The following TUBGCP5 variants were observed in gnomAD, a reference collection of about 807,000 sequenced individuals.
TUBGCP5 encodes gamma-tubulin complex component 5.
A neutral mutation model predicts 134.7 loss-of-function variants in TUBGCP5; 98 were observed. The observed-to-expected ratio is 0.73, with a 90% CI of 0.62 to 0.86. The LOEUF (loss-of-function observed/expected upper bound fraction) is 0.86, where lower values mean the gene tolerates loss of function less well. TUBGCP5 is among the 40% of genes least tolerant of loss of function. The pLI is 0.00. For synonymous variants in TUBGCP5, 456 were observed against 431.4 expected, an observed-to-expected ratio of 1.06 and a Z score of -0.71; for missense variants, 1,150 against 1,244.8, an observed-to-expected ratio of 0.92 and a Z score of 1.15.
intron 20 of TUBGCP5, 145 bp downstream of exon 20, chr15:23,003,957 G>A: frequency 1.9e-6 from 2 of 1,073,880 alleles, no homozygotes; most frequent in South Asian, 3.8e-5. Flanking sequence ...CCGGCCTGGG[G>A]CATTTGTTTG....
rs1394251408 is a variant in TUBGCP5 at position 23,039,560 on chromosome 15, G to C, written c.-17C>G. On this transcript the variant is annotated 5_prime_UTR_variant, in exon 1 of 23. Transcript: ENST00000615383. ...CCGCGCCATGTTCCGCGCTCCTGCAGCGCGCGTCTAACGAATTGGTGCCTG... is the reference window on the plus strand; with the variant it reads ...CCGCGCCATGTTCCGCGCTCCTGCACCGCGCGTCTAACGAATTGGTGCCTG... 12 of 1,392,160 alleles carry C rather than the reference G, an allele frequency of 8.6e-6. No homozygotes were observed. Among genetic ancestry groups the C allele is most frequent in the Admixed American group, 2.7e-5 (1 of 36,674 alleles). The allele number at this position is 1,392,160 out of a possible 1,614,324, so 86.2% of individuals were successfully genotyped here.
At chr15:23,027,998 T>C (rs2066079636) in intron 6 of TUBGCP5, among the ~76,000 whole-genome samples, 1 of 152,152 alleles carries the variant, frequency 6.6e-6, no homozygotes. Flanking sequence ...TTATACAAGT[T>C]GTTTGAAAAA....
At chr15:23,003,832 T>C (rs2064543554) in intron 20 of TUBGCP5, among the ~76,000 whole-genome samples, 1 of 151,934 alleles carries the variant, frequency 6.6e-6, no homozygotes, top group Non-Finnish European at 1.5e-5. Context: ...TTTTAACTTT[T>C]TGTAAAGACA....
intron 21 of TUBGCP5, 40 bp from the exon 22 acceptor site, chr15:23,000,709 C>A: frequency 6.7e-7 from 1 of 1,493,824 alleles, no homozygotes; most frequent in Non-Finnish European, 9.2e-7. Context: ...AAGTGCATTG[C>A]GGGTATATAG....
chr15:23,009,904 A>G (rs532835700), intron 15 of TUBGCP5, 41 bp downstream of exon 15: 2 of 1,567,398 alleles, frequency 1.3e-6, no homozygotes. Context: ...TTCAAGTACA[A>G]TCAACTATTT....
chr15:23,037,958 G>T (rs532249721), intron 1 of TUBGCP5, among the ~76,000 whole-genome samples: 3 of 152,038 alleles, frequency 2.0e-5, no homozygotes, highest in Admixed American at 6.5e-5. Context: ...TAGAGACCGG[G>T]TTTCACCGTG....
chr15:23,031,025 TTTAAAAAAGAGATACAC>T lies in TUBGCP5; in HGVS notation c.487-22_487-6del, dbSNP rs1742632319. The T allele has an allele frequency of 6.2e-7, 1 of 1,605,424 alleles. No individual in the cohort carries two copies. Among genetic ancestry groups the T allele is most frequent in the Non-Finnish European group, 8.5e-7 (1 of 1,177,814 alleles). ...TTCACTTTCTTCAGACCAATTCTGA[TTTAAAAAAGAGATACAC>T]TTTAGCTTTACAGAGTATAACACTT... is the stretch of plus-strand genomic sequence containing the variant. On this transcript the variant is annotated splice_polypyrimidine_tract_variant and splice_region_variant and intron_variant, in intron 5 of 22. Coordinates refer to ENST00000615383, the MANE Select transcript of TUBGCP5 (RefSeq NM_052903.6).
chr15:23,033,367 T>A (rs1348891597), intron 3 of TUBGCP5, among the ~76,000 whole-genome samples: 3 of 151,912 alleles, frequency 2.0e-5, no homozygotes, highest in Non-Finnish European at 4.4e-5. Context: ...AACCTCAGCC[T>A]CCCCTGGTTC....
chr15:23,032,065 A>G (rs539367337), intron 4 of TUBGCP5, 36 bp from the exon 5 acceptor site: 19 of 1,517,184 alleles, frequency 1.3e-5, no homozygotes, highest in Non-Finnish European at 1.5e-5. Flanking sequence ...TGGCTTTATT[A>G]TATCTATCTT....
intron 23 of TUBGCP5, among the ~76,000 whole-genome samples, chr15:22,988,314 C>G (rs1158828283): frequency 2.0e-5 from 3 of 151,906 alleles, no homozygotes; most frequent in Non-Finnish European, 4.4e-5. Context: ...GAAGCAGCCA[C>G]ACAGCCACAA....
At chr15:22,996,173 G>C (rs1488828122), downstream of TUBGCP5, among the ~76,000 whole-genome samples, 2 of 152,208 alleles carry the variant, frequency 1.3e-5, no homozygotes, top group Non-Finnish European at 2.9e-5. Context: ...ACCTTTGTAA[G>C]AAAATGCCAT....
At chr15:23,003,988 C>G in intron 20 of TUBGCP5, 114 bp downstream of exon 20, 1 of 1,358,204 alleles carries the variant, frequency 7.4e-7, no homozygotes, top group Non-Finnish European at 9.8e-7. Context: ...TCATCTGGTT[C>G]TTCCTTAAAG....
rs1020472347 is a variant in TUBGCP5 at position 23,017,648 on chromosome 15, T to C, written c.1756+125A>G. The C allele has an allele frequency of 1.1e-4, 102 of 935,046 alleles. No individual in the cohort carries two copies. In the Middle Eastern group the frequency reaches 1.7e-3, roughly 15 times the overall value. The allele number at this position is 935,046 out of a possible 1,614,324, so 57.9% of individuals were successfully genotyped here. On this transcript the variant is annotated intron_variant, in intron 13 of 22. Coordinates refer to ENST00000615383, the MANE Select transcript of TUBGCP5 (RefSeq NM_052903.6). ...GTTACTAATTCAACCATGACGATAA[T>C]TGCCACCGAAATAAGAGGGTTTGAT...
chr15:23,037,921 C>T (rs2066688117), intron 1 of TUBGCP5, among the ~76,000 whole-genome samples: 1 of 152,162 alleles, frequency 6.6e-6, no homozygotes, highest in South Asian at 2.1e-4. Flanking sequence ...CCTGCCACCA[C>T]GCCCGGCTAA....
Position 23,021,986 on chromosome 15 carries a change from G to A in TUBGCP5, c.1344C>T (p.Asp448=), listed in dbSNP as rs1266561092. Residue 448 remains aspartate, a synonymous_variant, in exon 11 of 23, where the codon GAC becomes GAT. Transcript: ENST00000615383. ...NTLYKAILEY[D]NVGEASEQTV... The stretch of plus-strand genomic sequence containing the variant: ...TTTGCTCAGAGGCTTCTCCAACATT[G>A]TCATATTCAAGAATGGCCTTGTACA... 2 of 1,614,118 alleles carry A rather than the reference G, an allele frequency of 1.2e-6. No individual in the cohort carries two copies. The highest frequency in any genetic ancestry group is 2.7e-5 in the African/African-American group (2 of 75,012).
intron 6 of TUBGCP5, among the ~76,000 whole-genome samples, chr15:23,029,167 T>C (rs182856716): frequency 3.3e-5 from 5 of 152,312 alleles, no homozygotes; most frequent in African/African-American, 9.6e-5. Context: ...CCTCCCCAAA[T>C]TAGATCTATA....
Position 23,002,151 on chromosome 15 carries a change from A to C in TUBGCP5, c.2927+914T>G, listed in dbSNP as rs567268479. Among the ~76,000 whole-genome samples the C allele has an allele frequency of 2.5e-4, 36 of 144,174 alleles. No individual in the cohort carries two copies. In the South Asian group the frequency reaches 5.6e-3, roughly 22 times the overall value. 94.6% of individuals were successfully genotyped at this position (144,174 alleles called of 152,430 possible). On this transcript the variant is annotated intron_variant, in intron 21 of 22. Coordinates refer to ENST00000615383, the MANE Select transcript of TUBGCP5 (RefSeq NM_052903.6). ...CCCCAAAGTGAGACAAAAAAAAAAGAAAAAAAAAAAGCAAAATATATTTTG... is the reference window on the plus strand; with the variant it reads ...CCCCAAAGTGAGACAAAAAAAAAAGCAAAAAAAAAAGCAAAATATATTTTG...
chr15:23,030,734 G>A (rs1411904896), intron 6 of TUBGCP5, 151 bp downstream of exon 6: 3 of 727,306 alleles, frequency 4.1e-6, no homozygotes, highest in East Asian at 2.9e-5. Flanking sequence ...AAGCATCATA[G>A]AAAACATTAC....
intron 6 of TUBGCP5, 86 bp from the exon 7 acceptor site, chr15:23,027,392 T>TTGAAATTCA: frequency 9.2e-7 from 1 of 1,086,224 alleles, no homozygotes; most frequent in Non-Finnish European, 1.4e-6. Flanking sequence ...CATTCAAACG[T>TTGAAATTCA]ATAGTTGAAA....
Sources: allele counts gnomAD v4.1 joint callset (sites outside exome capture counted in the v4.1 genomes callset), GRCh38; gene constraint gnomAD v4.1.1; transcripts MANE v1.5; gene names NCBI Gene and HGNC (gene_info 2026-07-23, HGNC 2026-07-21).